Variants in CELSR3 observed in about 807,000 individuals in gnomAD.
CELSR3 encodes the protein cadherin EGF LAG seven-pass G-type receptor 3, also known as EGF-like protein 1.
A neutral mutation model predicts 270.0 loss-of-function variants in CELSR3; 73 were observed. The observed-to-expected ratio is 0.27, with a 90% CI of 0.22 to 0.33. The LOEUF is 0.33. Ranked by LOEUF, CELSR3 falls within the 10% of genes least tolerant of loss-of-function variation. The probability of loss-of-function intolerance (pLI) is 1.00; values close to 1 mark genes in which losing one functional copy is unlikely to be tolerated. For synonymous variants in CELSR3, 1,780 were observed against 1,905.4 expected (o/e 0.93, Z 1.71); for missense variants, 3,614 against 4,533.8 (o/e 0.80, Z 5.83).
chr3:48,647,701 G>C, intron 20 of CELSR3, 140 bp downstream of exon 20: 1 of 744,846 alleles, frequency 1.3e-6, no homozygotes, highest in South Asian at 1.7e-5. Flanking sequence ...AAATATGGGA[G>C]GGAGGGTGGA....
chr3:48,652,399 C>T lies in CELSR3; in HGVS notation c.5751+38G>A, dbSNP rs566796188. ...GAGCCCCTGACTTCTGACCCCTGAC[C>T]CTAATGCCCCATATCACATTCCCAT... is the stretch of plus-strand genomic sequence containing the variant. On this transcript the variant is annotated intron_variant, in intron 11 of 34. Transcript: ENST00000164024. This position sits in a 1 kb window ranked among gnomAD's most constrained non-coding sequence, Gnocchi z 4.3. 6.6e-7 allele frequency: 1 copy of T among 1,507,502 alleles called. No individual in the cohort carries two copies. The highest frequency in any genetic ancestry group is 9.2e-7 in the Non-Finnish European group (1 of 1,082,998). 93.4% of individuals were successfully genotyped at this position (1,507,502 alleles called of 1,614,324 possible).
rs768975822 is a variant in CELSR3, at chr3:48,642,216, G to C, written c.8665+142C>G. On this transcript the variant is annotated intron_variant, in intron 31 of 34. Transcript: ENST00000164024. This position sits in a 1 kb window ranked among gnomAD's most constrained non-coding sequence, Gnocchi z 6.1. ...GTGGACTGGGAGAACCAGGGCTGGA[G>C]AGGTAGGTGCCTCCTGAGGCAGGGA... 1.1e-6 allele frequency: 1 copy of C among 944,664 alleles called. No individual in the cohort carries two copies. The highest frequency in any genetic ancestry group is 3.3e-4 in the Middle Eastern group (1 of 3,028). 58.5% of individuals were successfully genotyped at this position (944,664 alleles called of 1,614,324 possible).
chr3:48,656,874 G>C lies in CELSR3; in HGVS notation c.4223C>G (p.Thr1408Arg). ...GATGGGCTGGATGGGTCGGAACAGCGTGGAGGCCGAGGCCAGGAAGGGCGC... is the reference window on the plus strand; with the variant it reads ...GATGGGCTGGATGGGTCGGAACAGCCTGGAGGCCGAGGCCAGGAAGGGCGC... Reference protein sequence around the residue: ...SSAPFLASASTLFRPIQPIAG... With the variant: ...SSAPFLASASRLFRPIQPIAG... Residue 1408 changes from threonine (T) to arginine (R), a missense_variant, in exon 2 of 35, where the codon ACG (threonine) becomes AGG (arginine). Transcript: ENST00000164024. 6.2e-7 allele frequency: 1 copy of C among 1,609,594 alleles called. No individual in the cohort carries two copies. The highest frequency in any genetic ancestry group is 8.5e-7 in the Non-Finnish European group (1 of 1,177,930).
Position 48,653,193 on chromosome 3 carries a change from G to A in CELSR3, c.5449-6C>T. On this transcript the variant is annotated splice_region_variant and splice_polypyrimidine_tract_variant and intron_variant, in intron 9 of 34. Transcript: ENST00000164024. The surrounding 1 kb of genome is among the most constrained non-coding windows in gnomAD (Gnocchi z 6.5). Reference sequence around the variant, plus strand: ...GACAGTAACCCCCGATCTAGCTGTGGGCAGAGATGCATAGCCCTGGGGTTA... The same window carrying A: ...GACAGTAACCCCCGATCTAGCTGTGAGCAGAGATGCATAGCCCTGGGGTTA... 6.2e-7 allele frequency: 1 copy of A among 1,612,606 alleles called. No homozygotes were observed. Among genetic ancestry groups the A allele is most frequent in the South Asian group, 1.1e-5 (1 of 91,056 alleles).
In CELSR3 at chr3:48,657,448, A is replaced by T; in HGVS notation, c.3749-100T>A. 1 of 1,291,950 alleles carries T rather than the reference A, an allele frequency of 7.7e-7. No individual in the cohort carries two copies. The highest frequency in any genetic ancestry group is 1.0e-6 in the Non-Finnish European group (1 of 967,930). 80.0% of individuals were successfully genotyped at this position (1,291,950 alleles called of 1,614,324 possible). ...GCCAGCGATAGCCTAGGCCCCCAGA[A>T]CCTCTAAGTCAGCAGGCTGACCCCA... On this transcript the variant is annotated intron_variant, in intron 1 of 34. Transcript: ENST00000164024. This position sits in a 1 kb window ranked among gnomAD's most constrained non-coding sequence, Gnocchi z 5.4.
Position 48,656,053 on chromosome 3 carries a change from A to G in CELSR3, c.4625+87T>C, listed in dbSNP as rs112914180. The G allele has an allele frequency of 1.3e-3, 1,653 of 1,287,014 alleles. 14 individuals are homozygous for G. The African/African-American group carries it at 0.017, about 14-fold the overall frequency. The allele number at this position is 1,287,014 out of a possible 1,614,324, so 79.7% of individuals were successfully genotyped here. The stretch of plus-strand genomic sequence containing the variant: ...AGGGGAGGGGCGGTGTCTCATGGGG[A>G]TGCCAGGACGGGGCAGTCAGGAATC... On this transcript the variant is annotated intron_variant, in intron 3 of 34. Coordinates refer to ENST00000164024, the MANE Select transcript of CELSR3 (RefSeq NM_001407.3).
chr3:48,643,179 C>A, intron 28 of CELSR3, 96 bp from the exon 29 acceptor site: 1 of 831,408 alleles, frequency 1.2e-6, no homozygotes, highest in Non-Finnish European at 2.0e-6. Flanking sequence ...TCACTGTAGG[C>A]TAGTGTGGGT....
rs748995048 is a variant in CELSR3 at position 48,655,821 on chromosome 3, G to C, written c.4656C>G (p.Leu1552=). The C allele has an allele frequency of 4.1e-6, 6 of 1,453,492 alleles. No homozygotes were observed. The East Asian group carries it at 2.0e-4, about 49-fold the overall frequency. 90.0% of individuals were successfully genotyped at this position (1,453,492 alleles called of 1,614,324 possible). A position where few individuals can be genotyped will look rare whatever the true frequency, so the allele number is the denominator to read the frequency against. Residue 1552 remains leucine, a synonymous_variant, in exon 4 of 35, where the codon CTC becomes CTG. Coordinates refer to ENST00000164024, the MANE Select transcript of CELSR3 (RefSeq NM_001407.3). The surrounding 1 kb of genome is among the most constrained non-coding windows in gnomAD (Gnocchi z 5.8). ...SFATVQQSGL[L]FYNGRLNEKH... is the part of the protein sequence containing the mutation. ...TCTCGTTCAGGCGCCCGTTGTAGAA[G>C]AGCAGCCCGCTCTGCTGCACTGTCG...
rs1345992422 is a variant in CELSR3, at chr3:48,659,867, T to C, written c.2768A>G (p.Asp923Gly). 1 of 1,613,994 alleles carries C rather than the reference T, an allele frequency of 6.2e-7. No individual in the cohort carries two copies. The highest frequency in any genetic ancestry group is 8.5e-7 in the Non-Finnish European group (1 of 1,179,982). ...GATAGCCAGGGTGTAGGTCACCTGG[T>C]CCTCATAGTCTAATGGGGCCTGTAA... ...ITLQAPLDYEDQVTYTLAITA... is the reference protein window; with the variant it reads ...ITLQAPLDYEGQVTYTLAITA... The change falls in exon 1 of 35, where the codon GAC (aspartate) becomes GGC (glycine). Residue 923 changes from aspartate (D) to glycine (G), a missense_variant. By Grantham distance (94) the Asp-to-Gly change is moderately conservative. This residue lies in a region of CELSR3 where 1,331 missense variants were observed against 1,933.7 expected (regional missense o/e 0.69). Coordinates refer to ENST00000164024, the MANE Select transcript of CELSR3 (RefSeq NM_001407.3). The surrounding 1 kb of genome is among the most constrained non-coding windows in gnomAD (Gnocchi z 8.1).
Position 48,645,647 on chromosome 3 carries a change from C to A in CELSR3, c.7593G>T (p.Arg2531Ser). Residue 2531 changes from arginine (R) to serine (S), a missense_variant and splice_region_variant, in exon 24 of 35, where the codon AGG (arginine) becomes AGT (serine). Transcript: ENST00000164024. This position sits in a 1 kb window ranked among gnomAD's most constrained non-coding sequence, Gnocchi z 5.4. ...GVLMDASPRE[R>S]LEGDLELLAV... ...CCAGCAGCTCCAGGTCGCCCTCCAG[C>A]CTCTACAGAGACAGGGATGGTTGAT... 1 of 1,608,408 alleles carries A rather than the reference C, an allele frequency of 6.2e-7. No individual in the cohort carries two copies. Among genetic ancestry groups the A allele is most frequent in the South Asian group, 1.1e-5 (1 of 90,942 alleles).
chr3:48,660,046 G>A lies in CELSR3; in HGVS notation c.2589C>T (p.Tyr863=), dbSNP rs763850603. 6.8e-6 allele frequency: 11 copies of A among 1,614,118 alleles called. No homozygotes were observed. Among genetic ancestry groups the A allele is most frequent in the Non-Finnish European group, 9.3e-6 (11 of 1,180,054 alleles). Residue 863 remains tyrosine, a synonymous_variant, in exon 1 of 35, where the codon TAC becomes TAT. Coordinates refer to ENST00000164024, the MANE Select transcript of CELSR3 (RefSeq NM_001407.3). This position sits in a 1 kb window ranked among gnomAD's most constrained non-coding sequence, Gnocchi z 5.5. ...THRPVFQSAH[Y]SVSVNEDRPM... Reference sequence around the variant, plus strand: ...GCCGATCTTCATTCACACTCACTGAGTAGTGGGCACTTTGAAAGACCGGCC... The same window carrying A: ...GCCGATCTTCATTCACACTCACTGAATAGTGGGCACTTTGAAAGACCGGCC...
At position 48,651,976 on chromosome 3, in the gene CELSR3, G is replaced by C; in HGVS notation, c.5824C>G (p.Pro1942Ala). The C allele has an allele frequency of 6.2e-7, 1 of 1,600,516 alleles. No homozygotes were observed. The highest frequency in any genetic ancestry group is 8.5e-7 in the Non-Finnish European group (1 of 1,175,252). ...LPPSHRVNAE[P>A]GCVVTNACAS... ...CAGGCGTTGGTCACAACACAGCCAG[G>C]CTCCGCATTCACTCGGTGGCTGGGG... The change falls in exon 12 of 35, where the codon CCT becomes GCT. Residue 1942 changes from proline (P) to alanine (A), a missense_variant. Pro to Ala is a conservative substitution (Grantham distance 27). Coordinates refer to ENST00000164024, the MANE Select transcript of CELSR3 (RefSeq NM_001407.3). The surrounding 1 kb of genome is among the most constrained non-coding windows in gnomAD (Gnocchi z 7.4).
chr3:48,641,263 G>T lies in CELSR3; in HGVS notation c.9025+61C>A. ...GGGATGAGGAAGCTGCAATCCCTTG[G>T]CTCAGGGCATGAGCAGCCCCCAGCG... On this transcript the variant is annotated intron_variant, in intron 33 of 34. Coordinates refer to ENST00000164024, the MANE Select transcript of CELSR3 (RefSeq NM_001407.3). This position sits in a 1 kb window ranked among gnomAD's most constrained non-coding sequence, Gnocchi z 4.8. 4 of 1,135,918 alleles carry T rather than the reference G, an allele frequency of 3.5e-6. No homozygotes were observed. The highest frequency in any genetic ancestry group is 5.3e-6 in the Non-Finnish European group (4 of 755,552). The allele number at this position is 1,135,918 out of a possible 1,614,324, so 70.4% of individuals were successfully genotyped here. A position where few individuals can be genotyped will look rare whatever the true frequency, so the allele number is the denominator to read the frequency against.
At position 48,650,378 on chromosome 3, in the gene CELSR3, G is replaced by T; in HGVS notation, c.6472+102C>A. The T allele has an allele frequency of 1.1e-6, 1 of 929,444 alleles. No homozygotes were observed. The highest frequency in any genetic ancestry group is 1.7e-6 in the Non-Finnish European group (1 of 582,248). The allele number at this position is 929,444 out of a possible 1,614,324, so 57.6% of individuals were successfully genotyped here. A position where few individuals can be genotyped will look rare whatever the true frequency, so the allele number is the denominator to read the frequency against. ...ACTCCCACCCCACTTCCACCTCTTT[G>T]CAGGAACAAAGCCACCCAATTTAGG... On this transcript the variant is annotated intron_variant, in intron 16 of 34. Coordinates refer to ENST00000164024, the MANE Select transcript of CELSR3 (RefSeq NM_001407.3). This position sits in a 1 kb window ranked among gnomAD's most constrained non-coding sequence, Gnocchi z 5.1.
chr3:48,650,433 A>AGGGGGGGGGGGGGGGGGG lies in CELSR3; in HGVS notation c.6472+46_6472+47insCCCCCCCCCCCCCCCCCC. ...GACATGGCTCTAGCAGTCAGAGTACAGGCCCACCCCCACCCTCAGTGATGT... is the reference window on the plus strand; with the variant it reads ...GACATGGCTCTAGCAGTCAGAGTACAGGGGGGGGGGGGGGGGGGGGCCCACCCCCACCCTCAGTGATGT... On this transcript the variant is annotated intron_variant, in intron 16 of 34. Coordinates refer to ENST00000164024, the MANE Select transcript of CELSR3 (RefSeq NM_001407.3). This position sits in a 1 kb window ranked among gnomAD's most constrained non-coding sequence, Gnocchi z 5.1. 4.3e-6 allele frequency: 4 copies of AGGGGGGGGGGGGGGGGGG among 927,810 alleles called. No individual in the cohort carries two copies. Among genetic ancestry groups the AGGGGGGGGGGGGGGGGGG allele is most frequent in the Non-Finnish European group, 3.3e-6 (2 of 598,386 alleles). The allele number at this position is 927,810 out of a possible 1,614,324, so 57.5% of individuals were successfully genotyped here.
In CELSR3 at chr3:48,655,860, G is replaced by T. The variant is rs139167095; in HGVS notation, c.4626-9C>A. On this transcript the variant is annotated splice_polypyrimidine_tract_variant and intron_variant, in intron 3 of 34. Coordinates refer to ENST00000164024, the MANE Select transcript of CELSR3 (RefSeq NM_001407.3). This position sits in a 1 kb window ranked among gnomAD's most constrained non-coding sequence, Gnocchi z 5.8. ...GCTGCACTGTCGCGAACCTGGGCGGGGTGGGAGGGGGTTGCGGGGGTGGGA... is the reference window on the plus strand; with the variant it reads ...GCTGCACTGTCGCGAACCTGGGCGGTGTGGGAGGGGGTTGCGGGGGTGGGA... 0.024 allele frequency: 34,868 copies of T among 1,445,134 alleles called. 608 individuals carry two copies. Among genetic ancestry groups the T allele is most frequent in the Non-Finnish European group, 0.029 (30,386 of 1,031,344 alleles). 89.5% of individuals were successfully genotyped at this position (1,445,134 alleles called of 1,614,324 possible).
chr3:48,656,554 C>T (rs1192872712), intron 2 of CELSR3, 144 bp downstream of exon 2: 3 of 1,251,654 alleles, frequency 2.4e-6, no homozygotes, highest in Non-Finnish European at 3.1e-6. Flanking sequence ...CGGCCCCTTC[C>T]GGCCACGCTC....
Position 48,655,282 on chromosome 3 carries a change from C to A in CELSR3, c.4830+24G>T. ...AGTCAGCATCCCAACTCCCCTCATA[C>A]CCGATGCCAGGGATGGCCCCCACCT... On this transcript the variant is annotated intron_variant, in intron 5 of 34. Transcript: ENST00000164024. The surrounding 1 kb of genome is among the most constrained non-coding windows in gnomAD (Gnocchi z 5.8). The A allele has an allele frequency of 1.2e-6, 2 of 1,614,054 alleles. No individual in the cohort carries two copies. The highest frequency in any genetic ancestry group is 2.2e-5 in the South Asian group (2 of 91,086).
rs2047020088 is a variant in CELSR3, at chr3:48,640,891, A to T, written c.9026-332T>A. The T allele has an allele frequency of 6.8e-6, 3 of 439,210 alleles. No homozygotes were observed. In the Admixed American group the frequency reaches 1.2e-4, roughly 18 times the overall value. 27.2% of individuals were successfully genotyped at this position (439,210 alleles called of 1,614,324 possible). ...AATGCAGGCCTGGCTGAAATGCAGG[A>T]ACCCCCCGGGTTGGACAGGAGCAGT... is the stretch of plus-strand genomic sequence containing the variant. On this transcript the variant is annotated intron_variant, in intron 33 of 34. Transcript: ENST00000164024. The surrounding 1 kb of genome is among the most constrained non-coding windows in gnomAD (Gnocchi z 7.5).
Sources: allele counts gnomAD v4.1 joint callset, GRCh38; gene constraint gnomAD v4.1.1; regional missense constraint gnomAD v4.1.1; non-coding constraint Gnocchi (gnomAD v3.1); transcripts MANE v1.5; gene names NCBI Gene and HGNC (gene_info 2026-07-23, HGNC 2026-07-21).